The following NOSTRIN variants were observed in gnomAD, a reference collection of about 807,000 sequenced individuals.
NOSTRIN encodes the protein nitric oxide synthase trafficking, also known as BM247 homolog.
A neutral mutation model predicts 59.0 loss-of-function variants in NOSTRIN; 63 were observed. The ratio of observed to expected loss-of-function variants is 1.07; its 90% CI spans 0.87 to 1.32. The LOEUF (loss-of-function observed/expected upper bound fraction) is 1.32, where lower values mean the gene tolerates loss of function less well. Ranked by LOEUF, NOSTRIN falls within the 40% of genes most tolerant of loss-of-function variation. NOSTRIN has a pLI of 0.00. For synonymous variants in NOSTRIN, 200 were observed against 165.4 expected (o/e 1.21, Z -1.61); for missense variants, 512 against 473.1 (o/e 1.08, Z -0.76).
intron 2 of NOSTRIN, among the ~76,000 whole-genome samples, chr2:168,817,989 A>G (rs1686502360): frequency 6.6e-6 from 1 of 152,122 alleles, no homozygotes; most frequent in Non-Finnish European, 1.5e-5. Flanking sequence ...CAGCACATCC[A>G]CCCCCAAACT....
intron 2 of NOSTRIN, among the ~76,000 whole-genome samples, chr2:168,790,925 G>A (rs16855886): frequency 6.6e-6 from 1 of 152,120 alleles, no homozygotes; most frequent in Admixed American, 6.5e-5. Flanking sequence ...AAAAATCCTT[G>A]TAACGAACTT....
At chr2:168,793,420 C>A (rs1003298897), upstream of NOSTRIN, among the ~76,000 whole-genome samples, 3 of 152,108 alleles carry the variant, frequency 2.0e-5, no homozygotes, top group African/African-American at 7.2e-5. Context: ...CCAGCCTGGG[C>A]AATATGGTGA....
chr2:168,817,645 T>C (rs375029345), intron 2 of NOSTRIN, among the ~76,000 whole-genome samples: 3 of 152,292 alleles, frequency 2.0e-5, no homozygotes, highest in Admixed American at 6.5e-5. Context: ...ATGCACACTT[T>C]AGGCTCTGAA....
In NOSTRIN at chr2:168,860,789, G is replaced by T; in HGVS notation, c.1180-6G>T. 6.5e-7 allele frequency: 1 copy of T among 1,541,230 alleles called. No individual in the cohort carries two copies. Among genetic ancestry groups the T allele is most frequent in the South Asian group, 1.1e-5 (1 of 89,186 alleles). On this transcript the variant is annotated splice_region_variant and splice_polypyrimidine_tract_variant and intron_variant, in intron 13 of 15. Coordinates refer to ENST00000317647, the MANE Select transcript of NOSTRIN (RefSeq NM_001039724.4). ...CAAAATATGACTTTTTATGTCATTT[G>T]AACAGGAGCATACTCATAGCTATGT...
intron 5 of NOSTRIN, among the ~76,000 whole-genome samples, chr2:168,830,362 C>T (rs1029880445): frequency 1.3e-5 from 2 of 152,160 alleles, no homozygotes; most frequent in African/African-American, 4.8e-5. Context: ...CACTCTCTCA[C>T]AAAATATAAA....
chr2:168,819,803 C>G (rs556374618), intron 2 of NOSTRIN, among the ~76,000 whole-genome samples: 48 of 152,302 alleles, frequency 3.2e-4, no homozygotes, highest in African/African-American at 1.1e-3. Flanking sequence ...TCGTGCTGTT[C>G]AGAGAGGCAA....
Position 168,834,219 on chromosome 2 carries a change from T to C in NOSTRIN, c.406-8T>C, listed in dbSNP as rs522893. 0.55 allele frequency: 477,969 copies of C among 868,232 alleles called. 133,845 individuals are homozygous for C. The highest frequency in any genetic ancestry group is 0.68 in the South Asian group (51,218 of 75,322). 53.8% of individuals were successfully genotyped at this position (868,232 alleles called of 1,614,324 possible). On this transcript the variant is annotated splice_region_variant and splice_polypyrimidine_tract_variant and intron_variant, in intron 6 of 15. Transcript: ENST00000317647. ...CTTTTTTTCTTGTTTGTATGTTTTT[T>C]ACTCTAGGCCAAGAAGAAATTAATG...
chr2:168,795,327 A>G (rs1044781551), upstream of NOSTRIN, among the ~76,000 whole-genome samples: 1 of 152,252 alleles, frequency 6.6e-6, no homozygotes, highest in Non-Finnish European at 1.5e-5. Context: ...GTAATGGCAC[A>G]TAAATATTAA....
At position 168,818,783 on chromosome 2, in the gene NOSTRIN, A is replaced by T. The variant is rs184074292; in HGVS notation, c.114-5851A>T. ...TGAGAGAAAATTAGAATGTAAAGGG[A>T]TTAAAAGTCAGTGCATGTCACTTCC... On this transcript the variant is annotated intron_variant, in intron 2 of 15. Transcript: ENST00000317647. Among the ~76,000 whole-genome samples the T allele has an allele frequency of 2.6e-5, 4 of 152,324 alleles. No individual in the cohort carries two copies. In the East Asian group the frequency reaches 5.8e-4, roughly 22 times the overall value.
upstream of NOSTRIN, among the ~76,000 whole-genome samples, chr2:168,797,257 T>TTTTTTTA (rs1685509251): frequency 2.0e-5 from 3 of 151,834 alleles, no homozygotes; most frequent in South Asian, 6.3e-4. Flanking sequence ...GCCTGACTAG[T>TTTTTTTA]TTTTTTATTT....
At chr2:168,811,142 A>G (rs1439557530) in intron 1 of NOSTRIN, among the ~76,000 whole-genome samples, 1 of 152,152 alleles carries the variant, frequency 6.6e-6, no homozygotes, top group African/African-American at 2.4e-5. Context: ...GGCTCACTCT[A>G]ATGGCTCATG....
rs1409846194 is a variant in NOSTRIN, at chr2:168,828,435, A to G, written c.276A>G (p.Ala92=). Residue 92 remains alanine, a synonymous_variant, in exon 5 of 16, where the codon GCA becomes GCG. Coordinates refer to ENST00000317647, the MANE Select transcript of NOSTRIN (RefSeq NM_001039724.4). The part of the protein sequence containing the change: ...TADLHQKLGK[A]IELEAIKPTY... ...TTATTTCCAGAAAACTTGGCAAAGC[A>G]ATTGAATTGGAAGCAATAAAACCGA... is the stretch of plus-strand genomic sequence containing the variant. 2 of 871,028 alleles carry G rather than the reference A, an allele frequency of 2.3e-6. No homozygotes were observed. Among genetic ancestry groups the G allele is most frequent in the Non-Finnish European group, 4.0e-6 (2 of 501,330 alleles). The allele number at this position is 871,028 out of a possible 1,614,324, so 54.0% of individuals were successfully genotyped here. A position where few individuals can be genotyped will look rare whatever the true frequency, so the allele number is the denominator to read the frequency against.
At chr2:168,850,284 G>A (rs1301009743) in intron 8 of NOSTRIN, among the ~76,000 whole-genome samples, 1 of 152,116 alleles carries the variant, frequency 6.6e-6, no homozygotes, top group East Asian at 1.9e-4. Flanking sequence ...CTACCTAAAA[G>A]TCATAAGTCT....
rs746763481 is a variant in NOSTRIN, at chr2:168,851,109, G to T, written c.656G>T (p.Arg219Ile). The change falls in exon 9 of 16, where the codon AGA becomes ATA. Residue 219 changes from arginine to isoleucine, a missense_variant. Transcript: ENST00000317647. ...YQSILELEKERIQLLCNNLNQ... is the reference protein window; with the variant it reads ...YQSILELEKEIIQLLCNNLNQ... ...AGCATTCTGGAGCTGGAGAAGGAAA[G>T]AATTCAACTTTTATGCAATAACTTA... 5 of 1,566,268 alleles carry T rather than the reference G, an allele frequency of 3.2e-6. No homozygotes were observed. In the South Asian group the frequency reaches 4.4e-5, roughly 14 times the overall value.
Position 168,855,470 on chromosome 2 carries a change from C to T in NOSTRIN, c.964+10C>T, listed in dbSNP as rs566015490. On this transcript the variant is annotated intron_variant, in intron 11 of 15. Transcript: ENST00000317647. Reference sequence around the variant, plus strand: ...TCAAAAGACAAGGAAGGTGTGTAACCATCTCTTTGAATGGCCAGAAAAGGG... The same window carrying T: ...TCAAAAGACAAGGAAGGTGTGTAACTATCTCTTTGAATGGCCAGAAAAGGG... 9 of 1,499,434 alleles carry T rather than the reference C, an allele frequency of 6.0e-6. No individual in the cohort carries two copies. The highest frequency in any genetic ancestry group is 4.6e-5 in the South Asian group (4 of 87,456). 92.9% of individuals were successfully genotyped at this position (1,499,434 alleles called of 1,614,324 possible).
At chr2:168,837,909 G>C (rs1051425244) in intron 7 of NOSTRIN, among the ~76,000 whole-genome samples, 1 of 152,032 alleles carries the variant, frequency 6.6e-6, no homozygotes, top group Non-Finnish European at 1.5e-5. Context: ...TTTTAAATTA[G>C]ATTTCTTTAT....
chr2:168,831,290 T>C (rs1687347389), intron 5 of NOSTRIN, among the ~76,000 whole-genome samples, 182 bp from the exon 6 acceptor site: 1 of 152,060 alleles, frequency 6.6e-6, no homozygotes, highest in South Asian at 2.1e-4. Context: ...AGGGCACTAA[T>C]CTCATTCATG....
chr2:168,821,160 T>C (rs1466579156), intron 2 of NOSTRIN, among the ~76,000 whole-genome samples: 2 of 152,216 alleles, frequency 1.3e-5, no homozygotes, highest in African/African-American at 4.8e-5. Context: ...TAATGCTCTT[T>C]GTGCTGCTTC....
chr2:168,793,243 C>A (rs905684304), upstream of NOSTRIN, among the ~76,000 whole-genome samples: 1 of 152,224 alleles, frequency 6.6e-6, no homozygotes, highest in Non-Finnish European at 1.5e-5. Context: ...CCTCCCCACT[C>A]TTCCTAATCC....
Sources: gnomAD v4.1 joint callset for allele counts (sites outside exome capture counted in the v4.1 genomes callset) on GRCh38, gnomAD v4.1.1 for gene constraint, MANE v1.5 for transcripts, NCBI Gene and HGNC (gene_info 2026-07-23, HGNC 2026-07-21) for gene names.